CDH18: variants seen among roughly 807,000 people sequenced by gnomAD.
CDH18 encodes cadherin 18.
Under a neutral mutation model 67.9 loss-of-function variants are expected in CDH18, and 31 were observed. The observed-to-expected ratio is 0.46, with a 90% CI of 0.34 to 0.62. The LOEUF (loss-of-function observed/expected upper bound fraction) is 0.62, where lower values mean the gene tolerates loss of function less well. Ranked by LOEUF, CDH18 falls within the 20% of genes least tolerant of loss-of-function variation. The pLI is 0.01. For missense variants in CDH18, 890 were observed against 975.5 expected (o/e 0.91, Z 1.17); for synonymous variants, 362 against 347.2 (o/e 1.04, Z -0.48).
chr5:20,035,665 C>T (rs1040149624), intron 2 of CDH18, among the ~76,000 whole-genome samples: 1 of 151,994 alleles, frequency 6.6e-6, no homozygotes, highest in Non-Finnish European at 1.5e-5. Flanking sequence ...CCACTGGGTC[C>T]ATCCCTTGAC....
chr5:20,262,930 GAGAGAA>G (rs991700967), intron 1 of CDH18, among the ~76,000 whole-genome samples: 1 of 140,438 alleles, frequency 7.1e-6, no homozygotes, highest in Non-Finnish European at 1.5e-5. Context: ...GGAGGAAGAA[GAGAGAA>G]AGAGAAAAAG....
chr5:19,736,650 C>T (rs1321276864), intron 4 of CDH18, among the ~76,000 whole-genome samples: 4 of 152,060 alleles, frequency 2.6e-5, no homozygotes, highest in African/African-American at 4.8e-5. Context: ...TTACTACAAA[C>T]GTTGCATATA....
At chr5:20,089,279 C>A (rs1295144980) in intron 2 of CDH18, among the ~76,000 whole-genome samples, 1 of 151,498 alleles carries the variant, frequency 6.6e-6, no homozygotes, top group Non-Finnish European at 1.5e-5. Flanking sequence ...AACATGGTAC[C>A]CTGGTAAAAT....
At chr5:20,426,751 T>C (rs1287193987) in intron 1 of CDH18, among the ~76,000 whole-genome samples, 1 of 151,026 alleles carries the variant, frequency 6.6e-6, no homozygotes, top group Admixed American at 6.6e-5. Context: ...TTATTGAAAC[T>C]TTTTCAAATA....
chr5:20,218,653 C>T (rs568811677), intron 2 of CDH18, among the ~76,000 whole-genome samples: 5 of 151,908 alleles, frequency 3.3e-5, no homozygotes, highest in South Asian at 4.2e-4. Flanking sequence ...ATATTGTTCT[C>T]GTAGTAGAAA....
intron 2 of CDH18, among the ~76,000 whole-genome samples, chr5:20,089,073 T>C (rs1242741639): frequency 6.6e-6 from 1 of 152,166 alleles, no homozygotes. Context: ...CTAGTGAATA[T>C]TTTTGAATAG....
At chr5:20,457,243 A>C (rs566053736) in intron 1 of CDH18, among the ~76,000 whole-genome samples, 1 of 152,324 alleles carries the variant, frequency 6.6e-6, no homozygotes, top group Admixed American at 6.5e-5. Flanking sequence ...TAGAGGCAAG[A>C]CAATGTACCA....
chr5:19,611,070 A>G (rs1370391851), intron 6 of CDH18, among the ~76,000 whole-genome samples: 1 of 152,168 alleles, frequency 6.6e-6, no homozygotes, highest in Non-Finnish European at 1.5e-5. Context: ...ACTCACTAAG[A>G]ATCATTTATC....
chr5:19,514,007 C>G (rs561155172), intron 10 of CDH18, among the ~76,000 whole-genome samples: 1 of 152,078 alleles, frequency 6.6e-6, no homozygotes, highest in African/African-American at 2.4e-5. Flanking sequence ...TTCTCCCACC[C>G]CATGACAGGC....
chr5:20,070,958 C>T (rs1743431193), intron 2 of CDH18, among the ~76,000 whole-genome samples: 1 of 152,076 alleles, frequency 6.6e-6, no homozygotes, highest in African/African-American at 2.4e-5. Context: ...ATATTTCCTA[C>T]CATTTTCCTA....
At chr5:20,241,958 T>C (rs1742963922) in intron 2 of CDH18, among the ~76,000 whole-genome samples, 1 of 150,212 alleles carries the variant, frequency 6.7e-6, no homozygotes, top group Admixed American at 6.6e-5. Flanking sequence ...CAGCTAAATC[T>C]GATTTCTGGA....
chr5:20,238,158 C>T (rs1440376720), intron 2 of CDH18, among the ~76,000 whole-genome samples: 5 of 151,984 alleles, frequency 3.3e-5, no homozygotes, highest in African/African-American at 7.2e-5. Context: ...GGAAAACCTA[C>T]GTCAACCCTC....
intron 9 of CDH18, among the ~76,000 whole-genome samples, chr5:19,533,309 G>A (rs984440941): frequency 6.6e-6 from 1 of 152,174 alleles, no homozygotes; most frequent in Middle Eastern, 3.2e-3. Context: ...TAGAGGAATA[G>A]GATTAGGCTT....
chr5:20,508,361 A>G (rs1008428750), intron 1 of CDH18, among the ~76,000 whole-genome samples: 4 of 132,144 alleles, frequency 3.0e-5, no homozygotes, highest in African/African-American at 1.3e-4. Context: ...ATATATATAT[A>G]TATATGTATA....
intron 6 of CDH18, among the ~76,000 whole-genome samples, chr5:19,607,769 AC>A (rs1236694361): frequency 6.6e-6 from 1 of 151,486 alleles, no homozygotes; most frequent in Non-Finnish European, 1.5e-5. Flanking sequence ...AAAATTAAGA[AC>A]AATAAAGTTT....
At chr5:20,015,256 T>C (rs1737781605) in intron 2 of CDH18, among the ~76,000 whole-genome samples, 1 of 152,106 alleles carries the variant, frequency 6.6e-6, no homozygotes, top group South Asian at 2.1e-4. Flanking sequence ...TTATTAAAAG[T>C]GTGGTCCAAT....
intron 2 of CDH18, among the ~76,000 whole-genome samples, chr5:20,080,196 T>C (rs1744328650): frequency 6.6e-6 from 1 of 152,204 alleles, no homozygotes; most frequent in South Asian, 2.1e-4. Flanking sequence ...ATTCCTTTTC[T>C]TTATACATAA....
rs150963695 is a variant in CDH18 at position 20,199,452 on chromosome 5, G to A, written c.-518+55992C>T. Among the ~76,000 whole-genome samples the A allele has an allele frequency of 6.2e-3, 937 of 152,228 alleles. 4 individuals are homozygous for A. Among genetic ancestry groups the A allele is most frequent in the Middle Eastern group, 0.014 (4 of 294 alleles). ...TTGGCCAATTTCTCTCATTTGGAAT[G>A]GGTTTATTTACACAATGCCTGTACC... On this transcript the variant is annotated intron_variant, in intron 2 of 14. Transcript: ENST00000507958.
chr5:20,323,651 T>C (rs1738251080), intron 1 of CDH18, among the ~76,000 whole-genome samples: 1 of 152,210 alleles, frequency 6.6e-6, no homozygotes, highest in Non-Finnish European at 1.5e-5. Flanking sequence ...CAGAGAGAAG[T>C]TCTTTTTCTC....
Sources: allele counts gnomAD v4.1 joint callset (sites outside exome capture counted in the v4.1 genomes callset), GRCh38; gene constraint gnomAD v4.1.1; transcripts MANE v1.5; gene names NCBI Gene and HGNC (gene_info 2026-07-23, HGNC 2026-07-21).